Variants in MITF observed in about 807,000 individuals in gnomAD.
MITF encodes the protein melanocyte inducing transcription factor, also known as microphthalmia-associated transcription factor.
In MITF, 17 loss-of-function variants were observed where a neutral mutation model predicts 60.5. The observed-to-expected ratio is 0.28, with a 90% CI of 0.19 to 0.42. The LOEUF is 0.42. Among genes scored for constraint, MITF ranks in the 10% least tolerant of loss-of-function variants. The probability of loss-of-function intolerance (pLI) is 1.00; values close to 1 mark genes in which losing one functional copy is unlikely to be tolerated. For synonymous variants in MITF, 260 were observed against 248.5 expected, an observed-to-expected ratio of 1.05 and a Z score of -0.43; for missense variants, 622 against 683.5, an observed-to-expected ratio of 0.91 and a Z score of 1.00.
intron 1 of MITF, among the ~76,000 whole-genome samples, chr3:69,814,155 C>T (rs779589633): frequency 6.6e-6 from 1 of 151,884 alleles, no homozygotes; most frequent in African/African-American, 2.4e-5. Context: ...TCTGCCACTG[C>T]GGTATTCTCA....
intron 6 of MITF, among the ~76,000 whole-genome samples, chr3:69,951,200 T>A (rs977394436): frequency 6.7e-6 from 1 of 150,236 alleles, no homozygotes; most frequent in Non-Finnish European, 1.5e-5. Context: ...TGGGCTCAAG[T>A]GATCCTCCCA....
chr3:69,779,431 A>G (rs1337810244), intron 1 of MITF, among the ~76,000 whole-genome samples: 2 of 152,128 alleles, frequency 1.3e-5, no homozygotes, highest in Admixed American at 1.3e-4. Flanking sequence ...CTGCTGGGAG[A>G]TATTGTGAAC....
intron 2 of MITF, among the ~76,000 whole-genome samples, chr3:69,908,847 G>T (rs2065157131): frequency 6.6e-6 from 1 of 152,154 alleles, no homozygotes; most frequent in African/African-American, 2.4e-5. Flanking sequence ...TTTAAGATTT[G>T]TATTAAGGTT....
At chr3:69,861,047 G>A (rs1326627116) in intron 1 of MITF, among the ~76,000 whole-genome samples, 2 of 152,170 alleles carry the variant, frequency 1.3e-5, no homozygotes, top group East Asian at 1.9e-4. Flanking sequence ...AATTAGAGCC[G>A]CTGGACCAGT....
chr3:69,866,255 C>T (rs766302913), intron 1 of MITF: 43 of 1,611,014 alleles, frequency 2.7e-5, no homozygotes, highest in Non-Finnish European at 3.4e-5. Context: ...TTTCACTCTT[C>T]GCCAAGGGCT....
In MITF at chr3:69,826,052, A is replaced by G. The variant is rs147608559; in HGVS notation, c.105-53082A>G. ...CTTTTTAAAATTTTACACTACATAT[A>G]TTGAAGTGGAATACATAGAGAGGAG... On this transcript the variant is annotated intron_variant, in intron 1 of 9. Transcript: ENST00000352241. 4.4e-3 allele frequency among the ~76,000 whole-genome samples: 672 copies of G among 152,298 alleles called. 3 individuals are homozygous for G. The highest frequency in any genetic ancestry group is 7.7e-3 in the Non-Finnish European group (521 of 68,032).
intron 5 of MITF, 139 bp downstream of exon 5, chr3:69,941,470 A>T (rs2065967661): frequency 6.3e-6 from 4 of 637,034 alleles, no homozygotes; most frequent in Non-Finnish European, 1.1e-5. Context: ...TTATCTCAGG[A>T]TCACAAATAA....
At chr3:69,866,482 G>A in intron 1 of MITF, 2 of 869,534 alleles carry the variant, frequency 2.3e-6, no homozygotes, top group South Asian at 1.7e-5. Flanking sequence ...CTTCTCACTG[G>A]CTTTAATCAG....
intron 2 of MITF, among the ~76,000 whole-genome samples, chr3:69,934,422 A>C (rs1373992322): frequency 1.3e-5 from 2 of 152,244 alleles, no homozygotes; most frequent in African/African-American, 4.8e-5. Context: ...CCATGTAAAC[A>C]CAATAAATTT....
chr3:69,922,856 A>T (rs908607350), intron 2 of MITF, among the ~76,000 whole-genome samples: 9 of 152,046 alleles, frequency 5.9e-5, no homozygotes, highest in African/African-American at 2.2e-4. Flanking sequence ...AAAGAAACAA[A>T]CCCTCAACCC....
intron 1 of MITF, among the ~76,000 whole-genome samples, chr3:69,850,861 T>A (rs2063812652): frequency 1.3e-5 from 2 of 152,132 alleles, no homozygotes; most frequent in African/African-American, 4.8e-5. Flanking sequence ...AGTGCAGCTG[T>A]AGTTACCCCC....
chr3:69,941,444 A>G (rs1047194398), intron 5 of MITF, 113 bp downstream of exon 5: 28 of 682,592 alleles, frequency 4.1e-5, no homozygotes, highest in Middle Eastern at 3.2e-4. Flanking sequence ...AAATGTATTA[A>G]TAGTAAAATG....
At chr3:69,760,403 G>A (rs1448770963) in intron 1 of MITF, among the ~76,000 whole-genome samples, 1 of 152,206 alleles carries the variant, frequency 6.6e-6, no homozygotes, top group Non-Finnish European at 1.5e-5. Context: ...TGCAGGTCTA[G>A]TGAAGCAACA....
Position 69,908,778 on chromosome 3 carries a change from GAAGA to G in MITF, c.355-29040_355-29037del, listed in dbSNP as rs2065156016. Among the ~76,000 whole-genome samples the G allele has an allele frequency of 2.0e-5, 3 of 152,114 alleles. No individual in the cohort carries two copies. The South Asian group carries it at 6.2e-4, about 31-fold the overall frequency. On this transcript the variant is annotated intron_variant, in intron 2 of 9. Coordinates refer to ENST00000352241, the MANE Select transcript of MITF (RefSeq NM_001354604.2). The stretch of plus-strand genomic sequence containing the variant: ...CCACTTAGGATTTTTGTTCTTGTTA[GAAGA>G]AAGGAATAAGTGACAATCTGAGAAT...
rs776961961 is a variant in MITF, at chr3:69,953,662, T to TAGAG, written c.955+1800_955+1803dup. On this transcript the variant is annotated intron_variant, in intron 7 of 9. Transcript: ENST00000352241. ...ATATATGTATGTATATATATATATA[T>TAGAG]AGAGAGAGAGAGAGAGAGAGAGAGA... Among the ~76,000 whole-genome samples the TAGAG allele has an allele frequency of 2.9e-3, 396 of 136,546 alleles. 1 individual carries two copies. The highest frequency in any genetic ancestry group is 0.013 in the East Asian group (59 of 4,718). The allele number at this position is 136,546 out of a possible 152,430, so 89.6% of individuals were successfully genotyped here.
At position 69,852,150 on chromosome 3, in the gene MITF, T is replaced by C. The variant is rs190961549; in HGVS notation, c.105-26984T>C. ...AAAGTGAAGAAGGTTTGTCAAGGAA[T>C]AGTCTTAAAGAATAGGTAGATTTTT... On this transcript the variant is annotated intron_variant, in intron 1 of 9. Coordinates refer to ENST00000352241, the MANE Select transcript of MITF (RefSeq NM_001354604.2). Among the ~76,000 whole-genome samples, 145 of 152,300 alleles carry C rather than the reference T, an allele frequency of 9.5e-4. 2 individuals carry two copies. The highest frequency in any genetic ancestry group is 6.8e-4 in the Non-Finnish European group (46 of 68,028).
chr3:69,887,695 G>A (rs2064655036), intron 2 of MITF, among the ~76,000 whole-genome samples: 1 of 151,966 alleles, frequency 6.6e-6, no homozygotes, highest in Admixed American at 6.6e-5. Flanking sequence ...TTAAAAATAG[G>A]GAATGTCCTA....
chr3:69,787,028 G>A (rs1186681308), intron 1 of MITF, among the ~76,000 whole-genome samples: 1 of 152,154 alleles, frequency 6.6e-6, no homozygotes, highest in Non-Finnish European at 1.5e-5. Flanking sequence ...ATGATAAGAT[G>A]TCTGCCAAAT....
chr3:69,775,916 C>T (rs764067482), intron 1 of MITF, among the ~76,000 whole-genome samples: 8 of 152,168 alleles, frequency 5.3e-5, no homozygotes, highest in East Asian at 1.9e-4. Flanking sequence ...TTCCCAAGCT[C>T]GGTTGGCATT....
Sources: gnomAD v4.1 joint callset for allele counts (sites outside exome capture counted in the v4.1 genomes callset) on GRCh38, gnomAD v4.1.1 for gene constraint, MANE v1.5 for transcripts, NCBI Gene and HGNC (gene_info 2026-07-23, HGNC 2026-07-21) for gene names.